Variants in RIT2 observed in about 807,000 individuals in gnomAD.
The protein encoded by RIT2 is Ras like without CAAX 2, also known as GTP-binding protein Rit2.
In RIT2, 24 loss-of-function variants were observed where a neutral mutation model predicts 23.7. The observed-to-expected ratio is 1.01, with a 90% CI of 0.73 to 1.43. The LOEUF is 1.43. RIT2 is among the 40% of genes most tolerant of loss of function. The pLI is 0.00. For missense variants in RIT2, 236 were observed against 266.9 expected, an observed-to-expected ratio of 0.88 and a Z score of 0.81; for synonymous variants, 107 against 91.1, an observed-to-expected ratio of 1.17 and a Z score of -0.99.
chr18:43,047,240 C>G (rs1230418131), intron 1 of RIT2, among the ~76,000 whole-genome samples: 2 of 151,980 alleles, frequency 1.3e-5, no homozygotes, highest in East Asian at 3.9e-4. Context: ...TAATCTTCCG[C>G]TTTTTCACTC....
chr18:43,076,824 C>T (rs1430978763), intron 1 of RIT2, among the ~76,000 whole-genome samples: 2 of 152,064 alleles, frequency 1.3e-5, no homozygotes, highest in Non-Finnish European at 1.5e-5. Context: ...TCAAACACGG[C>T]CGGGCGCGGT....
At chr18:42,826,152 G>T (rs1182180940) in intron 4 of RIT2, among the ~76,000 whole-genome samples, 1 of 151,974 alleles carries the variant, frequency 6.6e-6, no homozygotes, top group East Asian at 1.9e-4. Flanking sequence ...TGAGAGTGAG[G>T]ATTTTACGTT....
At position 42,788,087 on chromosome 18, in the gene RIT2, TA is replaced by T. The variant is rs199499202; in HGVS notation, c.427-44368del. Among the ~76,000 whole-genome samples the T allele has an allele frequency of 1.7e-3, 262 of 152,210 alleles. 1 individual carries two copies. Among genetic ancestry groups the T allele is most frequent in the Admixed American group, 0.014 (210 of 15,276 alleles). ...TTAATATGCACTTTATATGTTAACATAAATAACTTTTGAAAAAAGTAATTAC... is the reference window on the plus strand; with the variant it reads ...TTAATATGCACTTTATATGTTAACATAATAACTTTTGAAAAAAGTAATTAC... On this transcript the variant is annotated intron_variant, in intron 4 of 4. Transcript: ENST00000326695.
At chr18:43,061,311 G>T (rs1435272186) in intron 1 of RIT2, among the ~76,000 whole-genome samples, 1 of 152,034 alleles carries the variant, frequency 6.6e-6, no homozygotes, top group African/African-American at 2.4e-5. Flanking sequence ...CCATTTCTCA[G>T]TATTTTCTAA....
intron 4 of RIT2, among the ~76,000 whole-genome samples, chr18:42,906,902 T>G (rs59567637): frequency 0.017 from 2,547 of 152,274 alleles, 70 homozygotes; most frequent in African/African-American, 0.056. Flanking sequence ...GCCTATTGTC[T>G]TTCTCTCATT....
At chr18:43,047,301 C>T (rs1368701666) in intron 1 of RIT2, among the ~76,000 whole-genome samples, 2 of 152,072 alleles carry the variant, frequency 1.3e-5, no homozygotes, top group Admixed American at 1.3e-4. Context: ...CTCTTTCTCC[C>T]TTTCTAGAAC....
rs544096619 is a variant in RIT2, at chr18:42,802,066, G to A, written c.427-58346C>T. Among the ~76,000 whole-genome samples the A allele has an allele frequency of 4.6e-5, 7 of 152,242 alleles. No individual in the cohort carries two copies. The East Asian group carries it at 1.4e-3, about 29-fold the overall frequency. ...ATTACAAAGAAGGCATGAAAACAATGCAAGAAACACAAATCATGAAGCCCA... is the reference window on the plus strand; with the variant it reads ...ATTACAAAGAAGGCATGAAAACAATACAAGAAACACAAATCATGAAGCCCA... On this transcript the variant is annotated intron_variant, in intron 4 of 4. Transcript: ENST00000326695.
intron 4 of RIT2, among the ~76,000 whole-genome samples, chr18:42,875,330 C>CTTTTTTTTTT (rs1176760577): frequency 7.3e-6 from 1 of 137,772 alleles, no homozygotes; most frequent in African/African-American, 2.7e-5. Flanking sequence ...TTCTCTCTCT[C>CTTTTTTTTTT]TTTTTTTTTT....
chr18:42,884,399 T>C (rs1262772293), intron 4 of RIT2, among the ~76,000 whole-genome samples: 1 of 152,196 alleles, frequency 6.6e-6, no homozygotes, highest in Admixed American at 6.5e-5. Context: ...CCTTTGGGAA[T>C]CTCCACACAT....
chr18:42,938,672 A>G (rs2144155008), intron 3 of RIT2, among the ~76,000 whole-genome samples: 1 of 152,302 alleles, frequency 6.6e-6, no homozygotes, highest in Non-Finnish European at 1.5e-5. Context: ...TTTAGTCCAA[A>G]TGCTCAAGAA....
intron 4 of RIT2, among the ~76,000 whole-genome samples, chr18:42,759,712 TACACACACACACACACACAC>T (rs59733922): frequency 1.4e-4 from 18 of 131,676 alleles, no homozygotes; most frequent in Admixed American, 1.6e-4. Flanking sequence ...GTGTTAAATC[TACACACACACACACACACAC>T]ACACACACAC....
intron 4 of RIT2, among the ~76,000 whole-genome samples, chr18:42,832,479 A>G (rs2144010775): frequency 6.6e-6 from 1 of 152,302 alleles, no homozygotes; most frequent in East Asian, 1.9e-4. Flanking sequence ...CACTGTCAGA[A>G]CACACCTAGT....
intron 3 of RIT2, among the ~76,000 whole-genome samples, chr18:42,961,581 C>T (rs529326807): frequency 1.4e-4 from 21 of 152,300 alleles, no homozygotes; most frequent in African/African-American, 5.1e-4. Context: ...ATGGCACCTA[C>T]AGACCAAGTC....
At chr18:42,756,616 G>A (rs559216) in intron 4 of RIT2, among the ~76,000 whole-genome samples, 98,233 of 152,054 alleles carry the variant, frequency 0.65, 35,828 homozygotes, top group Middle Eastern at 0.83. Context: ...AATAAAATTG[G>A]GCAGTACGTG....
intron 4 of RIT2, among the ~76,000 whole-genome samples, chr18:42,834,439 G>C (rs1028447078): frequency 6.6e-6 from 1 of 152,056 alleles, no homozygotes; most frequent in Non-Finnish European, 1.5e-5. Flanking sequence ...CTTTAACTGA[G>C]TTTGATCTAC....
chr18:42,891,104 G>A (rs906471483), intron 4 of RIT2, among the ~76,000 whole-genome samples: 1 of 152,156 alleles, frequency 6.6e-6, no homozygotes, highest in Admixed American at 6.5e-5. Flanking sequence ...CATAATTGCA[G>A]AGCCTGTTTG....
At chr18:43,011,414 C>CA (rs1308554737) in intron 2 of RIT2, among the ~76,000 whole-genome samples, 4 of 151,752 alleles carry the variant, frequency 2.6e-5, no homozygotes, top group African/African-American at 9.7e-5. Context: ...CAGAGTGAGA[C>CA]AAGACAAAGA....
chr18:42,931,541 T>C (rs1909325220), intron 3 of RIT2, among the ~76,000 whole-genome samples: 1 of 152,204 alleles, frequency 6.6e-6, no homozygotes, highest in Non-Finnish European at 1.5e-5. Context: ...TTCTTTCCCA[T>C]AGAAGTCTGT....
chr18:42,881,338 C>G (rs1907889579), intron 4 of RIT2, among the ~76,000 whole-genome samples: 1 of 152,148 alleles, frequency 6.6e-6, no homozygotes, highest in Non-Finnish European at 1.5e-5. Context: ...TGCATGTCTT[C>G]TCTTATACTA....
Sources: allele counts gnomAD v4.1 joint callset (sites outside exome capture counted in the v4.1 genomes callset), GRCh38; gene constraint gnomAD v4.1.1; transcripts MANE v1.5; gene names NCBI Gene and HGNC (gene_info 2026-07-23, HGNC 2026-07-21).